Variants in UBXN7 observed in about 807,000 individuals in gnomAD.
UBXN7 encodes UBX domain protein 7, also known as UBX domain-containing protein 7.
Under a neutral mutation model 58.0 loss-of-function variants are expected in UBXN7, and 9 were observed. That is an observed-to-expected ratio of 0.16 (90% CI 0.09 to 0.27). The LOEUF (loss-of-function observed/expected upper bound fraction) is 0.27. Ranked by LOEUF, UBXN7 falls within the 10% of genes least tolerant of loss-of-function variation. The pLI, the probability that UBXN7 is intolerant of heterozygous loss-of-function variation, is 1.00. For missense variants in UBXN7, 328 were observed against 599.6 expected, an observed-to-expected ratio of 0.55 and a Z score of 4.73; for synonymous variants, 208 against 205.0, an observed-to-expected ratio of 1.01 and a Z score of -0.12.
chr3:196,426,136 C>T (rs190193398), intron 1 of UBXN7, among the ~76,000 whole-genome samples: 133 of 152,190 alleles, frequency 8.7e-4, no homozygotes, highest in African/African-American at 3.1e-3. Context: ...GTAATCCCAG[C>T]GCTTTGGGAG....
At chr3:196,398,269 C>T (rs1729840227) in intron 3 of UBXN7, among the ~76,000 whole-genome samples, 1 of 152,172 alleles carries the variant, frequency 6.6e-6, no homozygotes, top group African/African-American at 2.4e-5. Flanking sequence ...AACCAAAGGC[C>T]ACACCCAGAT....
intron 5 of UBXN7, among the ~76,000 whole-genome samples, chr3:196,378,927 G>A (rs1331862360): frequency 4.6e-5 from 6 of 129,538 alleles, no homozygotes; most frequent in African/African-American, 1.8e-4. Flanking sequence ...GTTGGTTTTG[G>A]GGGGTTTTAG....
At position 196,356,418 on chromosome 3, in the gene UBXN7, G is replaced by A. The variant is rs1039771672; in HGVS notation, c.*267C>T. The A allele has an allele frequency of 2.4e-5, 8 of 329,588 alleles. No homozygotes were observed. Among genetic ancestry groups the A allele is most frequent in the African/African-American group, 1.8e-4 (8 of 45,628 alleles). 20.4% of individuals were successfully genotyped at this position (329,588 alleles called of 1,614,324 possible). On this transcript the variant is annotated 3_prime_UTR_variant, in exon 11 of 11. Transcript: ENST00000296328. ...GGTCTTATCCTTACACTTCAGTTTG[G>A]TCACCAGATTAGGTAAGAAAGAAAA...
chr3:196,419,325 C>T (rs1173403380), intron 1 of UBXN7, among the ~76,000 whole-genome samples: 1 of 134,800 alleles, frequency 7.4e-6, no homozygotes, highest in Non-Finnish European at 1.7e-5. Flanking sequence ...AATAAATAAA[C>T]AATGTGACAG....
intron 1 of UBXN7, among the ~76,000 whole-genome samples, chr3:196,413,928 A>G (rs1368793631): frequency 6.6e-6 from 1 of 152,226 alleles, no homozygotes; most frequent in Non-Finnish European, 1.5e-5. Context: ...AATACAACGT[A>G]AACAGTTGTT....
rs746733857 is a variant in UBXN7, at chr3:196,362,245, C to T, written c.1228+49G>A. ...CCTAACCTCAGTGATCCACCACGCC[C>T]GGCCCCAATATCTAAGTTTGAAGTA... On this transcript the variant is annotated intron_variant, in intron 9 of 10. Transcript: ENST00000296328. 75 of 1,539,228 alleles carry T rather than the reference C, an allele frequency of 4.9e-5. No individual in the cohort carries two copies. The Admixed American group carries it at 1.0e-3, about 21-fold the overall frequency.
intron 3 of UBXN7, among the ~76,000 whole-genome samples, chr3:196,399,468 ACT>A (rs1328556833): frequency 6.6e-6 from 1 of 151,954 alleles, no homozygotes; most frequent in Non-Finnish European, 1.5e-5. Flanking sequence ...ACAGGGCCTC[ACT>A]CTGTTATACA....
rs955754556 is a variant in UBXN7 at position 196,349,111 on chromosome 3, G to A, written c.*7574C>T. On this transcript the variant is annotated 3_prime_UTR_variant, in exon 11 of 11. Coordinates refer to ENST00000296328, the MANE Select transcript of UBXN7 (RefSeq NM_015562.2). ...GGAAGCCCCTCAAAGTCTAAGTATC[G>A]TGTTAGCATCAACTGGTACTCATTT... 3 of 152,180 alleles carry A rather than the reference G, an allele frequency of 2.0e-5. No homozygotes were observed. The highest frequency in any genetic ancestry group is 2.1e-4 in the South Asian group (1 of 4,834). 9.4% of individuals were successfully genotyped at this position (152,180 alleles called of 1,614,324 possible). A position where few individuals can be genotyped will look rare whatever the true frequency, so the allele number is the denominator to read the frequency against.
chr3:196,401,897 G>C (rs1730007003), intron 3 of UBXN7, among the ~76,000 whole-genome samples: 1 of 129,200 alleles, frequency 7.7e-6, no homozygotes, highest in Non-Finnish European at 1.7e-5. Context: ...CATTACCTAG[G>C]TGATAATCTG....
rs1460617482 is a variant in UBXN7 at position 196,353,247 on chromosome 3, C to T, written c.*3438G>A. 1.3e-5 allele frequency: 2 copies of T among 152,180 alleles called. No homozygotes were observed. Among genetic ancestry groups the T allele is most frequent in the Non-Finnish European group, 2.9e-5 (2 of 68,032 alleles). 9.4% of individuals were successfully genotyped at this position (152,180 alleles called of 1,614,324 possible). A position where few individuals can be genotyped will look rare whatever the true frequency, so the allele number is the denominator to read the frequency against. On this transcript the variant is annotated 3_prime_UTR_variant, in exon 11 of 11. Coordinates refer to ENST00000296328, the MANE Select transcript of UBXN7 (RefSeq NM_015562.2). ...ATTTGCCACTCACTAGCTATGAGTC[C>T]TGAATAAGTTCTCTATACCTGTTTT...
At chr3:196,430,874 TAATAATCCAATCCTTTATATCTTC>T (rs1731009548) in intron 1 of UBXN7, among the ~76,000 whole-genome samples, 1 of 152,200 alleles carries the variant, frequency 6.6e-6, no homozygotes, top group African/African-American at 2.4e-5. Flanking sequence ...ATATTTAATA[TAATAATCCAATCCTTTATATCTTC>T]AATAATCCAA....
Position 196,379,871 on chromosome 3 carries a change from G to A in UBXN7, c.469-7829C>T, listed in dbSNP as rs1487485829. On this transcript the variant is annotated intron_variant, in intron 5 of 10. Coordinates refer to ENST00000296328, the MANE Select transcript of UBXN7 (RefSeq NM_015562.2). ...CTGTGGTCGCCAGAATGATGTTACT[G>A]GAAAGGGGTCCGGATCCAGATCCCA... 2.6e-5 allele frequency among the ~76,000 whole-genome samples: 4 copies of A among 152,234 alleles called. No individual in the cohort carries two copies. The East Asian group carries it at 5.8e-4, about 22-fold the overall frequency.
At chr3:196,383,211 G>A (rs1483751897) in intron 5 of UBXN7, among the ~76,000 whole-genome samples, 1 of 151,850 alleles carries the variant, frequency 6.6e-6, no homozygotes, top group African/African-American at 2.4e-5. Context: ...AAGAGACAAA[G>A]AAGGCCATTA....
intron 8 of UBXN7, among the ~76,000 whole-genome samples, chr3:196,364,312 A>C (rs1728595691): frequency 6.6e-6 from 1 of 152,216 alleles, no homozygotes; most frequent in African/African-American, 2.4e-5. Context: ...ATATTTCAGG[A>C]TATTACAGAA....
intron 5 of UBXN7, among the ~76,000 whole-genome samples, chr3:196,382,908 G>C (rs529264058): frequency 4.6e-5 from 7 of 152,170 alleles, no homozygotes; most frequent in Non-Finnish European, 8.8e-5. Flanking sequence ...GAGGTCAGGA[G>C]ATCGAGACCA....
intron 3 of UBXN7, among the ~76,000 whole-genome samples, chr3:196,401,121 A>G (rs1159629068): frequency 6.6e-6 from 1 of 150,596 alleles, no homozygotes; most frequent in Non-Finnish European, 1.5e-5. Flanking sequence ...AGTTAAAAAC[A>G]TTTATCTCGG....
chr3:196,358,616 C>CTG (rs1397900467), intron 10 of UBXN7, among the ~76,000 whole-genome samples: 1 of 152,014 alleles, frequency 6.6e-6, no homozygotes, highest in African/African-American at 2.4e-5. Flanking sequence ...TGGCACACAC[C>CTG]TGTAGTCCCA....
At chr3:196,364,281 T>G (rs557746249) in intron 8 of UBXN7, among the ~76,000 whole-genome samples, 1 of 152,310 alleles carries the variant, frequency 6.6e-6, no homozygotes, top group East Asian at 1.9e-4. Context: ...AATCGTAAGA[T>G]AATCTAAAAT....
chr3:196,418,127 C>T (rs1730562631), intron 1 of UBXN7, among the ~76,000 whole-genome samples: 1 of 152,034 alleles, frequency 6.6e-6, no homozygotes, highest in Non-Finnish European at 1.5e-5. Flanking sequence ...ATCCCAGCTA[C>T]TCGGGAGGCT....
Sources: gnomAD v4.1 joint callset for allele counts (sites outside exome capture counted in the v4.1 genomes callset) on GRCh38, gnomAD v4.1.1 for gene constraint, MANE v1.5 for transcripts, NCBI Gene and HGNC (gene_info 2026-07-23, HGNC 2026-07-21) for gene names.